The following WDR70 variants were observed in gnomAD, a reference collection of about 807,000 sequenced individuals.
WDR70 encodes the protein WD repeat domain 70.
Under a neutral mutation model 88.6 loss-of-function variants are expected in WDR70, and 53 were observed. The observed-to-expected ratio is 0.60, with a 90% confidence interval of 0.48 to 0.75. The LOEUF (loss-of-function observed/expected upper bound fraction) is 0.75, where lower values mean the gene tolerates loss of function less well. WDR70 is among the 30% of genes least tolerant of loss of function. The probability of loss-of-function intolerance (pLI) is 0.00; values close to 1 mark genes in which losing one functional copy is unlikely to be tolerated. For missense variants in WDR70, 610 were observed against 823.2 expected, an observed-to-expected ratio of 0.74 and a Z score of 3.17; for synonymous variants, 280 against 270.0, an observed-to-expected ratio of 1.04 and a Z score of -0.36.
rs1738870823 is a variant in WDR70 at position 37,457,250 on chromosome 5, C to T, written c.686+13878C>T. 2.0e-5 allele frequency among the ~76,000 whole-genome samples: 3 copies of T among 152,178 alleles called. No homozygotes were observed. In the South Asian group the frequency reaches 6.2e-4, roughly 32 times the overall value. ...AGCTGGGAATTCAGGCATGCACCAC[C>T]ATGCCTGGCTAATATTTGGATTTTT... is the stretch of plus-strand genomic sequence containing the variant. On this transcript the variant is annotated intron_variant, in intron 7 of 17. Transcript: ENST00000265107.
chr5:37,749,830 G>A (rs1220396234), intron 17 of WDR70, among the ~76,000 whole-genome samples: 5 of 142,540 alleles, frequency 3.5e-5, no homozygotes, highest in Admixed American at 7.0e-5. Context: ...AATACTAGGT[G>A]AAAAAAAAAA....
chr5:37,470,220 T>C (rs1561864406), intron 7 of WDR70, among the ~76,000 whole-genome samples: 1 of 152,186 alleles, frequency 6.6e-6, no homozygotes, highest in Non-Finnish European at 1.5e-5. Context: ...TAGTTTATTC[T>C]GAGAATTTTC....
intron 10 of WDR70, among the ~76,000 whole-genome samples, chr5:37,647,874 A>C (rs567591814): frequency 2.0e-5 from 3 of 152,332 alleles, no homozygotes; most frequent in African/African-American, 7.2e-5. Flanking sequence ...AGTGTTTTAC[A>C]TGGCAGCAGG....
chr5:37,493,872 G>A (rs897798924), intron 8 of WDR70, among the ~76,000 whole-genome samples: 25 of 149,070 alleles, frequency 1.7e-4, no homozygotes, highest in African/African-American at 5.4e-4. Context: ...ACTCTGTCGC[G>A]CAGTGGCGTG....
At chr5:37,518,222 G>C (rs1378957560) in intron 9 of WDR70, among the ~76,000 whole-genome samples, 1 of 151,956 alleles carries the variant, frequency 6.6e-6, no homozygotes, top group Non-Finnish European at 1.5e-5. Flanking sequence ...GCCTCTTTTA[G>C]TTATTTTAAA....
At chr5:37,448,785 G>A (rs550378786) in intron 7 of WDR70, among the ~76,000 whole-genome samples, 75 of 151,558 alleles carry the variant, frequency 4.9e-4, no homozygotes, top group Non-Finnish European at 9.1e-4. Flanking sequence ...ATTACCTTTG[G>A]TCCTTGTATT....
At chr5:37,509,719 T>A (rs1455758490) in intron 8 of WDR70, among the ~76,000 whole-genome samples, 1 of 152,082 alleles carries the variant, frequency 6.6e-6, no homozygotes, top group Admixed American at 6.5e-5. Flanking sequence ...ATCTTCCCAG[T>A]TGGACCTATA....
intron 9 of WDR70, among the ~76,000 whole-genome samples, chr5:37,524,005 T>C (rs1014896268): frequency 3.9e-5 from 6 of 152,242 alleles, no homozygotes; most frequent in Admixed American, 3.9e-4. Context: ...TACGTCTGAT[T>C]GGTGTACCTG....
At chr5:37,490,135 A>G (rs553760369) in intron 8 of WDR70, among the ~76,000 whole-genome samples, 1 of 152,200 alleles carries the variant, frequency 6.6e-6, no homozygotes, top group East Asian at 1.9e-4. Context: ...GTGCAGGGGA[A>G]TCCATAGGCC....
At chr5:37,636,280 G>T (rs2112533461) in intron 10 of WDR70, among the ~76,000 whole-genome samples, 1 of 152,272 alleles carries the variant, frequency 6.6e-6, no homozygotes, top group Non-Finnish European at 1.5e-5. Context: ...AATCCATACT[G>T]ATAGAAATAA....
At chr5:37,742,115 T>C (rs1748499253) in intron 17 of WDR70, among the ~76,000 whole-genome samples, 2 of 152,204 alleles carry the variant, frequency 1.3e-5, no homozygotes, top group African/African-American at 2.4e-5. Context: ...GAAATGGAAT[T>C]GCTGGATCAC....
intron 9 of WDR70, among the ~76,000 whole-genome samples, chr5:37,545,027 C>T (rs1741943640): frequency 6.6e-6 from 1 of 152,004 alleles, no homozygotes; most frequent in South Asian, 2.1e-4. Context: ...ATACAGTTTC[C>T]TACATTATTC....
At chr5:37,457,843 T>C (rs539546434) in intron 7 of WDR70, among the ~76,000 whole-genome samples, 2 of 152,300 alleles carry the variant, frequency 1.3e-5, no homozygotes, top group South Asian at 4.1e-4. Flanking sequence ...TTTAAAGGGT[T>C]GTGAACTTCC....
intron 10 of WDR70, among the ~76,000 whole-genome samples, chr5:37,647,334 A>G (rs1034937394): frequency 6.6e-6 from 1 of 152,146 alleles, no homozygotes; most frequent in Non-Finnish European, 1.5e-5. Flanking sequence ...TCCATCTGAA[A>G]GGTTACATAT....
intron 5 of WDR70, among the ~76,000 whole-genome samples, chr5:37,405,667 C>T (rs1055957607): frequency 1.3e-5 from 2 of 151,692 alleles, no homozygotes; most frequent in Admixed American, 1.3e-4. Flanking sequence ...TTAAAAAAAC[C>T]CAAAGGAAAC....
intron 8 of WDR70, among the ~76,000 whole-genome samples, chr5:37,494,158 G>A (rs1740148109): frequency 6.6e-6 from 1 of 152,158 alleles, no homozygotes; most frequent in Non-Finnish European, 1.5e-5. Context: ...ATAAGAATGA[G>A]CTCATATGCA....
chr5:37,506,814 C>G, intron 8 of WDR70: 1 of 1,351,240 alleles, frequency 7.4e-7, no homozygotes, highest in Non-Finnish European at 1.1e-6. Context: ...AACCACCTTT[C>G]CGTTCTTGGG....
chr5:37,541,633 C>A (rs981530167), intron 9 of WDR70, among the ~76,000 whole-genome samples: 7 of 152,094 alleles, frequency 4.6e-5, no homozygotes, highest in African/African-American at 1.7e-4. Context: ...CAGTGGCAGG[C>A]CCATTCTAAT....
intron 9 of WDR70, among the ~76,000 whole-genome samples, chr5:37,529,570 A>AT (rs200143635): frequency 0.011 from 1,669 of 149,338 alleles, 23 homozygotes; most frequent in African/African-American, 0.038. Context: ...GTATTTATTT[A>AT]TTTTTTTTTG....
Sources: gnomAD v4.1 joint callset for allele counts (sites outside exome capture counted in the v4.1 genomes callset) on GRCh38, gnomAD v4.1.1 for gene constraint, MANE v1.5 for transcripts, NCBI Gene and HGNC (gene_info 2026-07-23, HGNC 2026-07-21) for gene names.